The following SLC25A21 variants were observed in gnomAD, a reference collection of about 807,000 sequenced individuals.
SLC25A21 encodes the protein mitochondrial 2-oxodicarboxylate carrier.
SLC25A21 carries 47 observed loss-of-function variants against 43.8 expected under a neutral mutation model. The observed-to-expected ratio is 1.07, with a 90% CI of 0.85 to 1.37. The LOEUF (loss-of-function observed/expected upper bound fraction) is 1.37, where lower values mean the gene tolerates loss of function less well. SLC25A21 is among the 40% of genes most tolerant of loss of function. The pLI is 0.00. For missense variants in SLC25A21, 352 were observed against 350.2 expected, an observed-to-expected ratio of 1.00 and a Z score of -0.04; for synonymous variants, 131 against 121.3, an observed-to-expected ratio of 1.08 and a Z score of -0.52.
intron 3 of SLC25A21, among the ~76,000 whole-genome samples, chr14:36,777,086 C>A (rs1024956696): frequency 6.6e-6 from 1 of 152,016 alleles, no homozygotes; most frequent in Non-Finnish European, 1.5e-5. Context: ...GGTGAAACCC[C>A]GTCTCTACTA....
chr14:36,741,161 A>G (rs1885241833), intron 3 of SLC25A21, among the ~76,000 whole-genome samples: 1 of 152,078 alleles, frequency 6.6e-6, no homozygotes, highest in Non-Finnish European at 1.5e-5. Flanking sequence ...CTAATTTAGT[A>G]TGTAGAAAAT....
chr14:37,068,943 G>A (rs926867813), intron 1 of SLC25A21, among the ~76,000 whole-genome samples: 3 of 152,174 alleles, frequency 2.0e-5, no homozygotes, highest in African/African-American at 7.2e-5. Context: ...GGGAGGTCGA[G>A]GCGGGCAGAT....
intron 1 of SLC25A21, among the ~76,000 whole-genome samples, chr14:37,074,584 G>C (rs1464624927): frequency 3.9e-5 from 6 of 152,056 alleles, no homozygotes; most frequent in African/African-American, 7.2e-5. Context: ...GTAATCCCAG[G>C]ACTTTGGGAG....
At chr14:36,798,085 A>T (rs1887735964) in intron 3 of SLC25A21, among the ~76,000 whole-genome samples, 1 of 152,232 alleles carries the variant, frequency 6.6e-6, no homozygotes, top group Non-Finnish European at 1.5e-5. Flanking sequence ...TAGAAGTTCA[A>T]TAAAATGTGA....
At chr14:36,924,579 G>A (rs1892077734) in intron 1 of SLC25A21, among the ~76,000 whole-genome samples, 1 of 152,062 alleles carries the variant, frequency 6.6e-6, no homozygotes, top group African/African-American at 2.4e-5. Flanking sequence ...TAATGGAAAT[G>A]ATGAGTTAAT....
chr14:36,820,166 C>T (rs576061392), intron 2 of SLC25A21, among the ~76,000 whole-genome samples: 1 of 152,142 alleles, frequency 6.6e-6, no homozygotes, highest in African/African-American at 2.4e-5. Context: ...TCTGGCATCA[C>T]CCCTGGATCA....
At chr14:37,160,581 A>G (rs1446226341) in intron 1 of SLC25A21, among the ~76,000 whole-genome samples, 1 of 152,088 alleles carries the variant, frequency 6.6e-6, no homozygotes, top group African/African-American at 2.4e-5. Flanking sequence ...GAGAGGCAGG[A>G]GGGCAAGGAT....
At chr14:36,841,135 A>C (rs550805660) in intron 2 of SLC25A21, among the ~76,000 whole-genome samples, 38 of 152,306 alleles carry the variant, frequency 2.5e-4, no homozygotes, top group African/African-American at 9.1e-4. Flanking sequence ...ACATGCCCTT[A>C]GTTTGTCGAT....
At chr14:37,059,492 A>T (rs964484025) in intron 1 of SLC25A21, among the ~76,000 whole-genome samples, 1 of 152,204 alleles carries the variant, frequency 6.6e-6, no homozygotes, top group Non-Finnish European at 1.5e-5. Context: ...TGAGACAAGG[A>T]ATTTCTTCCT....
intron 1 of SLC25A21, among the ~76,000 whole-genome samples, chr14:36,984,645 T>C (rs1566792028): frequency 6.6e-6 from 1 of 152,094 alleles, no homozygotes; most frequent in African/African-American, 2.4e-5. Flanking sequence ...CTGACTCATT[T>C]TTTACCTGGT....
chr14:36,767,997 C>T (rs1886477460), intron 3 of SLC25A21, among the ~76,000 whole-genome samples: 1 of 152,170 alleles, frequency 6.6e-6, no homozygotes, highest in Non-Finnish European at 1.5e-5. Flanking sequence ...TCTGGGCCGG[C>T]TCCCGTGGCA....
At chr14:36,985,990 G>A (rs1224776962) in intron 1 of SLC25A21, among the ~76,000 whole-genome samples, 1 of 151,866 alleles carries the variant, frequency 6.6e-6, no homozygotes, top group Non-Finnish European at 1.5e-5. Flanking sequence ...TTTAATATAA[G>A]ACACTACAAA....
At position 37,034,692 on chromosome 14, in the gene SLC25A21, T is replaced by G. The variant is rs544315989; in HGVS notation, c.70+137589A>C. 6.6e-5 allele frequency among the ~76,000 whole-genome samples: 10 copies of G among 152,308 alleles called. No individual in the cohort carries two copies. The East Asian group carries it at 1.9e-3, about 29-fold the overall frequency. ...CACTCTTCGCCTCCACAGCCACAAT[T>G]TATTCATCCCAGAGTACACTCAACC... On this transcript the variant is annotated intron_variant, in intron 1 of 9. Coordinates refer to ENST00000331299, the MANE Select transcript of SLC25A21 (RefSeq NM_030631.4).
chr14:37,075,683 TTTG>T (rs2031713024), intron 1 of SLC25A21, among the ~76,000 whole-genome samples: 1 of 152,232 alleles, frequency 6.6e-6, no homozygotes, highest in East Asian at 1.9e-4. Context: ...CCAGTTTATC[TTTG>T]TTTTCCCATG....
At chr14:36,786,873 G>A (rs1887270614) in intron 3 of SLC25A21, among the ~76,000 whole-genome samples, 1 of 152,106 alleles carries the variant, frequency 6.6e-6, no homozygotes, top group African/African-American at 2.4e-5. Flanking sequence ...GCCCAGCCTC[G>A]GGAGAGGCCA....
intron 1 of SLC25A21, among the ~76,000 whole-genome samples, chr14:37,075,159 T>C (rs954285011): frequency 6.6e-6 from 1 of 152,144 alleles, no homozygotes; most frequent in Admixed American, 6.5e-5. Context: ...CACCAAATAA[T>C]GTAGCTTTCC....
At chr14:37,084,255 G>C (rs546052189) in intron 1 of SLC25A21, among the ~76,000 whole-genome samples, 1 of 152,052 alleles carries the variant, frequency 6.6e-6, no homozygotes, top group Non-Finnish European at 1.5e-5. Flanking sequence ...TCTCAAACTC[G>C]CTTGTGATAT....
chr14:36,696,521 G>A (rs1224668257), intron 7 of SLC25A21, among the ~76,000 whole-genome samples: 1 of 152,140 alleles, frequency 6.6e-6, no homozygotes, highest in Non-Finnish European at 1.5e-5. Flanking sequence ...GAATTCAGCT[G>A]TGAATCCATC....
At chr14:37,099,954 C>G (rs1183219439) in intron 1 of SLC25A21, among the ~76,000 whole-genome samples, 1 of 152,082 alleles carries the variant, frequency 6.6e-6, no homozygotes, top group Non-Finnish European at 1.5e-5. Context: ...CAGCTGGAGG[C>G]CTTGCTAGCA....
Sources: allele counts gnomAD v4.1 joint callset (sites outside exome capture counted in the v4.1 genomes callset), GRCh38; gene constraint gnomAD v4.1.1; transcripts MANE v1.5; gene names NCBI Gene and HGNC (gene_info 2026-07-23, HGNC 2026-07-21).